Variants in SCLT1 observed in about 807,000 individuals in gnomAD.
The protein encoded by SCLT1 is sodium channel and clathrin linker 1.
A neutral mutation model predicts 112.8 loss-of-function variants in SCLT1; 78 were observed. The observed-to-expected ratio is 0.69, with a 90% CI of 0.58 to 0.83. The LOEUF (loss-of-function observed/expected upper bound fraction) is 0.83, where lower values mean the gene tolerates loss of function less well. SCLT1 is among the 40% of genes least tolerant of loss of function. The pLI, the probability that SCLT1 is intolerant of heterozygous loss-of-function variation, is 0.00. For synonymous variants in SCLT1, 257 were observed against 254.7 expected (o/e 1.01, Z -0.09); for missense variants, 747 against 770.4 (o/e 0.97, Z 0.36).
intron 4 of SCLT1, among the ~76,000 whole-genome samples, chr4:128,876,308 A>G (rs777296112): frequency 1.3e-5 from 2 of 152,162 alleles, no homozygotes; most frequent in Non-Finnish European, 2.9e-5. Flanking sequence ...TGCTCTGAGT[A>G]AGACCCCTGA....
chr4:128,943,988 C>T (rs577669582), intron 16 of SCLT1, among the ~76,000 whole-genome samples: 1 of 152,112 alleles, frequency 6.6e-6, no homozygotes, highest in Non-Finnish European at 1.5e-5. Flanking sequence ...AATAAAGAAG[C>T]AACTTTGACC....
chr4:129,021,497 G>C (rs1357219932), intron 5 of SCLT1, among the ~76,000 whole-genome samples: 4 of 152,202 alleles, frequency 2.6e-5, no homozygotes, highest in Non-Finnish European at 5.9e-5. Flanking sequence ...GATCAAGCTT[G>C]GTTGCGGGAG....
intron 17 of SCLT1, among the ~76,000 whole-genome samples, chr4:128,938,286 A>G (rs1289437767): frequency 6.6e-6 from 1 of 152,220 alleles, no homozygotes; most frequent in Non-Finnish European, 1.5e-5. Context: ...AACAAGGCCC[A>G]ACAACAACAA....
intron 2 of SCLT1, among the ~76,000 whole-genome samples, chr4:129,075,401 A>T (rs1751374865): frequency 6.6e-6 from 1 of 152,162 alleles, no homozygotes; most frequent in Non-Finnish European, 1.5e-5. Context: ...AGTAACTGAT[A>T]AACTTACAGT....
At chr4:128,928,795 G>A (rs988794451) in intron 18 of SCLT1, among the ~76,000 whole-genome samples, 1 of 151,230 alleles carries the variant, frequency 6.6e-6, no homozygotes, top group African/African-American at 2.4e-5. Flanking sequence ...TCGCGCCACT[G>A]CACTCCAGCC....
intron 20 of SCLT1, among the ~76,000 whole-genome samples, 197 bp from the exon 21 acceptor site, chr4:128,884,736 A>G (rs912941961): frequency 3.9e-5 from 6 of 152,250 alleles, no homozygotes; most frequent in South Asian, 4.1e-4. Flanking sequence ...TCACAGCTCA[A>G]TGTAGCCTTG....
At chr4:129,032,555 C>T (rs894800390) in intron 5 of SCLT1, among the ~76,000 whole-genome samples, 1 of 151,836 alleles carries the variant, frequency 6.6e-6, no homozygotes, top group Non-Finnish European at 1.5e-5. Flanking sequence ...AACAGGCAAC[C>T]TACAGAATGG....
chr4:128,985,429 T>C (rs1231825746), intron 9 of SCLT1, among the ~76,000 whole-genome samples: 2 of 152,244 alleles, frequency 1.3e-5, no homozygotes, highest in Admixed American at 6.5e-5. Context: ...CATTGATTGC[T>C]GAGTGTGAAG....
chr4:128,907,251 G>A (rs1373056145), intron 18 of SCLT1, among the ~76,000 whole-genome samples: 1 of 152,150 alleles, frequency 6.6e-6, no homozygotes, highest in Non-Finnish European at 1.5e-5. Flanking sequence ...GAGAAGTGAC[G>A]ATTCGATTTG....
rs529060865 is a variant in SCLT1, at chr4:129,027,727, C to A, written c.290+11314G>T. ...AAGGGTATTCAATTAGGAAAAGAGG[C>A]AGTCAAATTGTCCCTGTTTGCAGAT... On this transcript the variant is annotated intron_variant, in intron 5 of 20. Coordinates refer to ENST00000281142, the MANE Select transcript of SCLT1 (RefSeq NM_144643.4). Among the ~76,000 whole-genome samples, 780 of 152,006 alleles carry A rather than the reference C, an allele frequency of 5.1e-3. 4 individuals carry two copies. The highest frequency in any genetic ancestry group is 0.016 in the African/African-American group (657 of 41,376).
At chr4:128,929,495 A>G (rs1384245937) in intron 18 of SCLT1, among the ~76,000 whole-genome samples, 3 of 152,208 alleles carry the variant, frequency 2.0e-5, no homozygotes, top group Non-Finnish European at 4.4e-5. Context: ...AGAACCAAGA[A>G]TAGGTAAGAT....
At chr4:128,898,382 C>A (rs1203727051) in intron 18 of SCLT1, among the ~76,000 whole-genome samples, 1 of 152,170 alleles carries the variant, frequency 6.6e-6, no homozygotes, top group Non-Finnish European at 1.5e-5. Context: ...CTCAAAACCG[C>A]TCAACTACAT....
At chr4:128,945,917 C>T in intron 16 of SCLT1, 90 bp downstream of exon 16, 1 of 769,686 alleles carries the variant, frequency 1.3e-6, no homozygotes, top group Non-Finnish European at 2.1e-6. Flanking sequence ...TATTGTAAGT[C>T]CTACCAAAAA....
chr4:129,038,356 T>G (rs544306876), intron 5 of SCLT1, among the ~76,000 whole-genome samples: 1 of 152,318 alleles, frequency 6.6e-6, no homozygotes, highest in Admixed American at 6.5e-5. Context: ...GATATTCATA[T>G]AACCTATAAT....
intron 8 of SCLT1, among the ~76,000 whole-genome samples, chr4:128,996,586 G>T: frequency 6.6e-6 from 1 of 152,010 alleles, no homozygotes; most frequent in South Asian, 2.1e-4. Flanking sequence ...ATACTTATCA[G>T]TCTTGTTTGC....
At chr4:128,997,977 T>A (rs1486105936) in intron 7 of SCLT1, 38 bp from the exon 8 acceptor site, 5 of 1,073,322 alleles carry the variant, frequency 4.7e-6, no homozygotes, top group South Asian at 2.3e-5. Context: ...TAAATAGCAT[T>A]TTGTTGTTTA....
At chr4:129,063,329 TTTTC>T (rs1382349516) in intron 2 of SCLT1, among the ~76,000 whole-genome samples, 1 of 152,246 alleles carries the variant, frequency 6.6e-6, no homozygotes, top group Non-Finnish European at 1.5e-5. Context: ...CTCTTAGACA[TTTTC>T]AATAGATGTA....
At chr4:128,952,020 G>C (rs777792197) in intron 14 of SCLT1, among the ~76,000 whole-genome samples, 1 of 152,068 alleles carries the variant, frequency 6.6e-6, no homozygotes, top group Admixed American at 6.6e-5. Flanking sequence ...GCAAGCAACA[G>C]GGAAAATAAA....
rs144144462 is a variant in SCLT1, at chr4:128,999,596, C to T, written c.549+76G>A. ...AAATGCTATAGGGTAGAGTCTTAAG[C>T]GTTCCCCTCTAAAACAGTTTCTTCA... On this transcript the variant is annotated intron_variant, in intron 7 of 20. Coordinates refer to ENST00000281142, the MANE Select transcript of SCLT1 (RefSeq NM_144643.4). The T allele has an allele frequency of 1.3e-5, 14 of 1,040,966 alleles. No individual in the cohort carries two copies. In the East Asian group the frequency reaches 1.7e-4, roughly 13 times the overall value. 64.5% of individuals were successfully genotyped at this position (1,040,966 alleles called of 1,614,324 possible).
Sources: gnomAD v4.1 joint callset for allele counts (sites outside exome capture counted in the v4.1 genomes callset) on GRCh38, gnomAD v4.1.1 for gene constraint, MANE v1.5 for transcripts, NCBI Gene and HGNC (gene_info 2026-07-23, HGNC 2026-07-21) for gene names.